Variants in CDK11B observed in about 807,000 individuals in gnomAD.
CDK11B encodes cyclin dependent kinase 11B.
A neutral mutation model predicts 84.0 loss-of-function variants in CDK11B; 37 were observed. The observed-to-expected ratio is 0.44, with a 90% CI of 0.34 to 0.58. CDK11B has a LOEUF of 0.58. Ranked by LOEUF, CDK11B falls within the 20% of genes least tolerant of loss-of-function variation. The pLI, the probability that CDK11B is intolerant of heterozygous loss-of-function variation, is 0.02. For synonymous variants in CDK11B, 269 were observed against 309.8 expected (o/e 0.87, Z 1.38); for missense variants, 427 against 834.0 (o/e 0.51, Z 6.01).
chr1:1,647,108 C>G, intron 5 of CDK11B: 1 of 386,322 alleles, frequency 2.6e-6, no homozygotes, highest in South Asian at 2.0e-5. Flanking sequence ...TTTGGTACAG[C>G]AGATGTTGTA....
intron 3 of CDK11B, among the ~76,000 whole-genome samples, chr1:1,654,337 T>C (rs571760774): frequency 6.6e-6 from 1 of 152,338 alleles, no homozygotes; most frequent in Non-Finnish European, 1.5e-5. Flanking sequence ...TTTCCTTGTC[T>C]CTATTCTAGG....
At chr1:1,655,602 A>G in intron 2 of CDK11B, 118 bp from the exon 3 acceptor site, 1 of 1,386,396 alleles carries the variant, frequency 7.2e-7, no homozygotes, top group Non-Finnish European at 9.5e-7. Context: ...TTTCATATAT[A>G]CTCTGAATGA....
intron 3 of CDK11B, among the ~76,000 whole-genome samples, chr1:1,653,469 C>T (rs1642280311): frequency 6.6e-6 from 1 of 152,066 alleles, no homozygotes; most frequent in African/African-American, 2.4e-5. Flanking sequence ...TACAGGTGTA[C>T]ACTACCATGC....
intron 3 of CDK11B, among the ~76,000 whole-genome samples, chr1:1,653,863 C>CAA (rs761317190): frequency 0.027 from 3,632 of 132,902 alleles, 71 homozygotes; most frequent in Middle Eastern, 0.058. Context: ...CACACACACA[C>CAA]CCGAGCGTGG....
intron 9 of CDK11B, among the ~76,000 whole-genome samples, chr1:1,641,370 G>A (rs548502222): frequency 4.3e-4 from 63 of 148,214 alleles, no homozygotes; most frequent in Admixed American, 1.9e-3. Flanking sequence ...TTATCCGGGC[G>A]TGCTGGCGCA....
At chr1:1,653,678 T>C (rs1642310529) in intron 3 of CDK11B, among the ~76,000 whole-genome samples, 1 of 151,892 alleles carries the variant, frequency 6.6e-6, no homozygotes, top group African/African-American at 2.4e-5. Context: ...CCCCAATAAA[T>C]CTGTTAAAAG....
chr1:1,652,313 C>A (rs1243282313), intron 4 of CDK11B, 126 bp downstream of exon 4: 13 of 768,888 alleles, frequency 1.7e-5, no homozygotes. Context: ...CTGTGACACA[C>A]GTATGCTTTC....
chr1:1,640,299 G>A lies in CDK11B; in HGVS notation c.1229C>T (p.Pro410Leu), dbSNP rs1447391391. ...LSPIELKQELPKYLPALQGCR... is the reference protein window; with the variant it reads ...LSPIELKQELLKYLPALQGCR... The stretch of plus-strand genomic sequence containing the variant: ...GACCTGCAGGGCCGGCAGGTACTTG[G>A]GCAGCTCCTGCTTGAGCTCGATGGG... The change falls in exon 11 of 20, where the codon CCC becomes CTC. Residue 410 changes from proline (P) to leucine (L), a missense_variant. Physicochemically the swap from Pro to Leu is moderately conservative, Grantham distance 98. This residue lies in a region of CDK11B where 43 missense variants were observed against 61.8 expected (regional missense o/e 0.70). Transcript: ENST00000341832. 2 of 1,613,534 alleles carry A rather than the reference G, an allele frequency of 1.2e-6. No individual in the cohort carries two copies. The highest frequency in any genetic ancestry group is 1.1e-5 in the South Asian group (1 of 91,060).
intron 4 of CDK11B, among the ~76,000 whole-genome samples, chr1:1,652,061 T>C (rs1469819108): frequency 0.35 from 50,830 of 146,002 alleles, 9,126 homozygotes; most frequent in African/African-American, 0.5. Flanking sequence ...ATGCTTTTAG[T>C]TAGTTTGCTC....
At chr1:1,637,032 T>C (rs1463972605) in intron 15 of CDK11B, 28 bp from the exon 16 acceptor site, 1 of 1,612,894 alleles carries the variant, frequency 6.2e-7, no homozygotes, top group Non-Finnish European at 8.5e-7. Context: ...CGGCTGTGAG[T>C]GGGCCCCGGC....
chr1:1,637,576 G>A, intron 13 of CDK11B, 63 bp from the exon 14 acceptor site: 1 of 1,607,642 alleles, frequency 6.2e-7, no homozygotes, highest in Non-Finnish European at 8.5e-7. Context: ...CTGCACCCGG[G>A]TGCAGCTGCT....
At chr1:1,646,338 A>G (rs115618954) in intron 5 of CDK11B, 4,844 of 459,244 alleles carry the variant, frequency 0.011, 75 homozygotes, top group African/African-American at 0.087. Context: ...ATTTTAATTT[A>G]TTTGTACTTT....
chr1:1,655,404 G>A lies in CDK11B; in HGVS notation c.192C>T (p.Asn64=), dbSNP rs755140664. ...RDHRMEITIR[N]SPYRREDSME... The stretch of plus-strand genomic sequence containing the variant: ...TAGAGTCTTCTCTTCTATACGGGGA[G>A]TTCCTTATTGTGATCTCCATGCGGT... Residue 64 remains asparagine, a synonymous_variant, in exon 3 of 20, where the codon AAC becomes AAT. Coordinates refer to ENST00000341832, the MANE Select transcript of CDK11B (RefSeq NM_033486.3). The A allele has an allele frequency of 5.6e-6, 9 of 1,613,446 alleles. No individual in the cohort carries two copies. Among genetic ancestry groups the A allele is most frequent in the East Asian group, 2.2e-5 (1 of 44,888 alleles).
chr1:1,641,206 G>A, intron 9 of CDK11B, 93 bp from the exon 10 acceptor site: 1 of 1,562,142 alleles, frequency 6.4e-7, no homozygotes, highest in Non-Finnish European at 8.7e-7. Context: ...AGCAACAAGT[G>A]TTCCCAAGAA....
intron 4 of CDK11B, among the ~76,000 whole-genome samples, chr1:1,650,131 G>A (rs1193225516): frequency 3.0e-3 from 455 of 150,208 alleles, no homozygotes; most frequent in African/African-American, 0.01. Context: ...TTAGCTGGGT[G>A]TGGTGGCGGG....
intron 1 of CDK11B, among the ~76,000 whole-genome samples, chr1:1,657,926 A>AAAAAG (rs1491275354): frequency 8.8e-6 from 1 of 113,336 alleles, no homozygotes; most frequent in African/African-American, 3.8e-5. Context: ...AAAAAAAAAA[A>AAAAAG]GTAAGCTCTA....
intron 6 of CDK11B, 95 bp from the exon 7 acceptor site, chr1:1,642,603 CCT>C: frequency 7.3e-6 from 1 of 136,390 alleles, no homozygotes; most frequent in Non-Finnish European, 1.3e-5. Flanking sequence ...CACACCCGCA[CCT>C]GGCAGACACA....
intron 13 of CDK11B, 117 bp downstream of exon 13, chr1:1,637,645 C>T (rs1057500286): frequency 6.2e-7 from 1 of 1,607,856 alleles, no homozygotes; most frequent in Non-Finnish European, 8.5e-7. Flanking sequence ...TCTGTGTGGT[C>T]TGTGAAGGGC....
intron 5 of CDK11B, among the ~76,000 whole-genome samples, chr1:1,648,424 G>C: frequency 6.6e-6 from 1 of 152,132 alleles, no homozygotes; most frequent in Non-Finnish European, 1.5e-5. Context: ...CTGGGCCTCA[G>C]TGTCTCCCAC....
Sources: allele counts gnomAD v4.1 joint callset (sites outside exome capture counted in the v4.1 genomes callset), GRCh38; gene constraint gnomAD v4.1.1; regional missense constraint gnomAD v4.1.1; transcripts MANE v1.5; gene names NCBI Gene and HGNC (gene_info 2026-07-23, HGNC 2026-07-21).